SEMA5A: variants seen among roughly 807,000 people sequenced by gnomAD.
SEMA5A encodes the protein semaphorin-5A.
In SEMA5A, 55 loss-of-function variants were observed where a neutral mutation model predicts 135.5. That is an observed-to-expected ratio of 0.41 (90% CI 0.33 to 0.51). The LOEUF (loss-of-function observed/expected upper bound fraction) is 0.51, where lower values mean the gene tolerates loss of function less well. Ranked by LOEUF, SEMA5A falls within the 20% of genes least tolerant of loss-of-function variation. SEMA5A has a pLI of 0.37. For synonymous variants in SEMA5A, 580 were observed against 546.5 expected, an observed-to-expected ratio of 1.06 and a Z score of -0.85; for missense variants, 1,290 against 1,419.9, an observed-to-expected ratio of 0.91 and a Z score of 1.47.
At chr5:9,493,048 C>T (rs1050760134) in intron 1 of SEMA5A, among the ~76,000 whole-genome samples, 4 of 151,930 alleles carry the variant, frequency 2.6e-5, no homozygotes, top group South Asian at 2.1e-4. Flanking sequence ...GTAGGTTGAT[C>T]GATTGCAACA....
At chr5:9,450,161 G>A (rs1758582486) in intron 1 of SEMA5A, among the ~76,000 whole-genome samples, 1 of 152,140 alleles carries the variant, frequency 6.6e-6, no homozygotes, top group South Asian at 2.1e-4. Flanking sequence ...TGTCTCCACT[G>A]CCCTTGAGAA....
chr5:9,203,812 T>C (rs1806076), intron 8 of SEMA5A, among the ~76,000 whole-genome samples: 1 of 152,076 alleles, frequency 6.6e-6, no homozygotes, highest in Non-Finnish European at 1.5e-5. Context: ...TCACCCTAAA[T>C]GACTGTTTAA....
At chr5:9,364,450 T>G (rs3798002) in intron 3 of SEMA5A, among the ~76,000 whole-genome samples, 3,989 of 152,288 alleles carry the variant, frequency 0.026, 179 homozygotes, top group African/African-American at 0.09. Context: ...AGCATAGCTT[T>G]TATTCACAAG....
intron 4 of SEMA5A, among the ~76,000 whole-genome samples, chr5:9,336,321 A>G (rs1753390059): frequency 6.6e-6 from 1 of 152,332 alleles, no homozygotes; most frequent in Middle Eastern, 3.4e-3. Context: ...CTGGCGTACC[A>G]CACCAGGGAG....
intron 11 of SEMA5A, among the ~76,000 whole-genome samples, chr5:9,161,641 G>A (rs1035968126): frequency 7.9e-5 from 12 of 152,168 alleles, no homozygotes; most frequent in African/African-American, 1.4e-4. Context: ...GCTAATGTAC[G>A]GGACTGCCTG....
intron 3 of SEMA5A, among the ~76,000 whole-genome samples, chr5:9,361,441 A>C (rs921137965): frequency 7.9e-5 from 12 of 152,190 alleles, no homozygotes; most frequent in African/African-American, 2.9e-4. Flanking sequence ...TTATACCAGC[A>C]TTACCGCCAT....
intron 1 of SEMA5A, among the ~76,000 whole-genome samples, chr5:9,523,576 C>T (rs1250575698): frequency 6.6e-6 from 1 of 152,200 alleles, no homozygotes; most frequent in Non-Finnish European, 1.5e-5. Context: ...GGTGACATGA[C>T]TCAGAGTCTC....
intron 5 of SEMA5A, among the ~76,000 whole-genome samples, chr5:9,243,313 G>A (rs1238569159): frequency 3.9e-5 from 6 of 152,140 alleles, no homozygotes; most frequent in African/African-American, 7.2e-5. Context: ...CTCACTCATC[G>A]CATGGTGTTC....
At chr5:9,416,343 G>A (rs560593309) in intron 2 of SEMA5A, among the ~76,000 whole-genome samples, 27 of 152,258 alleles carry the variant, frequency 1.8e-4, no homozygotes, top group African/African-American at 6.5e-4. Flanking sequence ...ACTCTAACCC[G>A]TTTCTGATCA....
chr5:9,498,160 G>A lies in SEMA5A; in HGVS notation c.-175+47424C>T, dbSNP rs143175037. Among the ~76,000 whole-genome samples, 5 of 152,262 alleles carry A rather than the reference G, an allele frequency of 3.3e-5. No homozygotes were observed. The East Asian group carries it at 9.7e-4, about 29-fold the overall frequency. On this transcript the variant is annotated intron_variant, in intron 1 of 22. Coordinates refer to ENST00000382496, the MANE Select transcript of SEMA5A (RefSeq NM_003966.3). ...TAAAGATGGCCATGGGCCCAACCTG[G>A]AGCTTACCTTTGATATGAAAACTAA...
intron 2 of SEMA5A, among the ~76,000 whole-genome samples, chr5:9,399,842 A>G (rs1756571330): frequency 6.6e-6 from 1 of 152,114 alleles, no homozygotes; most frequent in Non-Finnish European, 1.5e-5. Flanking sequence ...ACAAAAGTAA[A>G]GGAGAGAGCT....
chr5:9,476,952 G>T (rs956759498), intron 1 of SEMA5A, among the ~76,000 whole-genome samples: 3 of 151,922 alleles, frequency 2.0e-5, no homozygotes, highest in Non-Finnish European at 4.4e-5. Context: ...ATGGTAATAT[G>T]ATTTGGCTCT....
At chr5:9,471,875 C>T (rs17259952) in intron 1 of SEMA5A, among the ~76,000 whole-genome samples, 43,888 of 152,096 alleles carry the variant, frequency 0.29, 6,705 homozygotes, top group East Asian at 0.52. Flanking sequence ...TGCTTTTATT[C>T]CCAATTTTTC....
chr5:9,354,524 C>T (rs1284253928), intron 3 of SEMA5A, among the ~76,000 whole-genome samples: 4 of 152,260 alleles, frequency 2.6e-5, no homozygotes, highest in South Asian at 2.1e-4. Flanking sequence ...TGTTTCTTCA[C>T]TAGACCGTCT....
intron 5 of SEMA5A, among the ~76,000 whole-genome samples, chr5:9,300,230 G>A (rs1305507825): frequency 6.6e-6 from 1 of 152,152 alleles, no homozygotes; most frequent in African/African-American, 2.4e-5. Context: ...GTTTCGCCAT[G>A]TTACCCAGGC....
intron 5 of SEMA5A, among the ~76,000 whole-genome samples, chr5:9,258,700 G>A (rs1001931375): frequency 2.0e-5 from 3 of 151,446 alleles, no homozygotes; most frequent in Non-Finnish European, 4.4e-5. Flanking sequence ...GTATTAAGGA[G>A]TGCTTACAAA....
At chr5:9,282,952 C>A (rs887718623) in intron 5 of SEMA5A, among the ~76,000 whole-genome samples, 1 of 152,162 alleles carries the variant, frequency 6.6e-6, no homozygotes, top group African/African-American at 2.4e-5. Context: ...AGGCAAGGAA[C>A]CTGACTCTCC....
chr5:9,399,225 G>A (rs765257308), intron 2 of SEMA5A, among the ~76,000 whole-genome samples: 1 of 152,212 alleles, frequency 6.6e-6, no homozygotes, highest in African/African-American at 2.4e-5. Context: ...ATGGAGAACA[G>A]ATGAAGAAAA....
At chr5:9,318,062 G>A (rs1039909060) in intron 5 of SEMA5A, among the ~76,000 whole-genome samples, 5 of 152,156 alleles carry the variant, frequency 3.3e-5, no homozygotes, top group African/African-American at 1.2e-4. Context: ...TGTAACTGTG[G>A]GGGAAGGAAT....
Sources: gnomAD v4.1 joint callset for allele counts (sites outside exome capture counted in the v4.1 genomes callset) on GRCh38, gnomAD v4.1.1 for gene constraint, MANE v1.5 for transcripts, NCBI Gene and HGNC (gene_info 2026-07-23, HGNC 2026-07-21) for gene names.